Variants in CCDC192 observed in about 807,000 individuals in gnomAD.
The protein encoded by CCDC192 is coiled-coil domain containing 192, also known as coiled-coil domain-containing protein 192.
rs560182371 is a variant in CCDC192, at chr5:127,727,112, C to T, written c.114+19352C>T. ...CCTCCAAGTGTGGGAGGGACCCTGA[C>T]AAATAGGGTCTGGAAGGGACCCTCA... On this transcript the variant is annotated intron_variant, in intron 2 of 6. Coordinates refer to ENST00000514853, the MANE Select transcript of CCDC192 (RefSeq NM_001317938.2). Among the ~76,000 whole-genome samples, 7 of 152,280 alleles carry T rather than the reference C, an allele frequency of 4.6e-5. No homozygotes were observed. In the South Asian group the frequency reaches 1.5e-3, roughly 32 times the overall value.
intron 5 of CCDC192, among the ~76,000 whole-genome samples, chr5:127,827,009 A>T (rs753966466): frequency 7.2e-5 from 11 of 152,122 alleles, no homozygotes; most frequent in Non-Finnish European, 1.6e-4. Context: ...ACTTGTGTGT[A>T]TATTTATTTT....
intron 2 of CCDC192, among the ~76,000 whole-genome samples, chr5:127,739,043 T>C (rs536312811): frequency 6.6e-6 from 1 of 152,314 alleles, no homozygotes; most frequent in East Asian, 1.9e-4. Flanking sequence ...GTTCTGTTTT[T>C]TCCCCATCTT....
Position 127,786,477 on chromosome 5 carries a change from C to T in CCDC192, c.223-10626C>T, listed in dbSNP as rs78573585. Reference sequence around the variant, plus strand: ...CACAGTTTTGTATTGATGGTTTCACCATTTCCTTCCTTTTTGATCAGCTTT... The same window carrying T: ...CACAGTTTTGTATTGATGGTTTCACTATTTCCTTCCTTTTTGATCAGCTTT... On this transcript the variant is annotated intron_variant, in intron 3 of 6. Transcript: ENST00000514853. The T allele has an allele frequency of 0.012, 7,334 of 628,652 alleles. 500 individuals are homozygous for T. The Admixed American group carries it at 0.13, about 11-fold the overall frequency. The allele number at this position is 628,652 out of a possible 1,614,324, so 38.9% of individuals were successfully genotyped here. A position where few individuals can be genotyped will look rare whatever the true frequency, so the allele number is the denominator to read the frequency against.
intron 6 of CCDC192, among the ~76,000 whole-genome samples, chr5:127,880,454 G>A (rs1405117164): frequency 4.2e-5 from 5 of 117,764 alleles, no homozygotes; most frequent in African/African-American, 1.6e-4. Context: ...GACTGTGGTG[G>A]GGTGGGGGGA....
chr5:127,927,859 A>C (rs1753906486), intron 6 of CCDC192, among the ~76,000 whole-genome samples: 1 of 149,682 alleles, frequency 6.7e-6, no homozygotes, highest in African/African-American at 2.5e-5. Flanking sequence ...TCCCTTCTCT[A>C]TTCATTTCCT....
intron 3 of CCDC192, among the ~76,000 whole-genome samples, chr5:127,791,928 A>G (rs888162941): frequency 6.6e-5 from 10 of 152,226 alleles, no homozygotes; most frequent in African/African-American, 2.4e-4. Flanking sequence ...AAAGAGGTGA[A>G]AGAAACCATG....
Position 127,801,741 on chromosome 5 carries a change from G to T in CCDC192, c.411+3579G>T, listed in dbSNP as rs113802710. Among the ~76,000 whole-genome samples, 44 of 152,268 alleles carry T rather than the reference G, an allele frequency of 2.9e-4. 1 individual carries two copies. Among genetic ancestry groups the T allele is most frequent in the African/African-American group, 1.0e-3 (42 of 41,562 alleles). ...AGATACATCTATTTGAGCTGTTAAA[G>T]TAAACATTGTAGACAAATTAAATTT... On this transcript the variant is annotated intron_variant, in intron 5 of 6. Coordinates refer to ENST00000514853, the MANE Select transcript of CCDC192 (RefSeq NM_001317938.2).
At chr5:127,733,954 T>G (rs1752804816) in intron 2 of CCDC192, among the ~76,000 whole-genome samples, 1 of 151,060 alleles carries the variant, frequency 6.6e-6, no homozygotes, top group Non-Finnish European at 1.5e-5. Flanking sequence ...ACTTTAAGTT[T>G]TAGGGTACAT....
intron 5 of CCDC192, among the ~76,000 whole-genome samples, chr5:127,845,504 A>C (rs1018704861): frequency 7.2e-5 from 11 of 152,214 alleles, no homozygotes; most frequent in Non-Finnish European, 1.5e-4. Context: ...GTGGCATTTG[A>C]GATCATTTTG....
At chr5:127,705,189 C>G (rs1156997479) in intron 1 of CCDC192, among the ~76,000 whole-genome samples, 1 of 152,116 alleles carries the variant, frequency 6.6e-6, no homozygotes, top group Non-Finnish European at 1.5e-5. Flanking sequence ...GCTTTCTTCC[C>G]CCCTTAATTA....
chr5:127,923,100 C>G (rs779007914), intron 6 of CCDC192, among the ~76,000 whole-genome samples: 84 of 152,166 alleles, frequency 5.5e-4, no homozygotes, highest in Non-Finnish European at 1.1e-3. Flanking sequence ...TCAAGACTTG[C>G]CTGAAGCTAT....
intron 2 of CCDC192, among the ~76,000 whole-genome samples, chr5:127,725,948 G>C (rs1752295593): frequency 6.6e-6 from 1 of 151,938 alleles, no homozygotes; most frequent in African/African-American, 2.4e-5. Flanking sequence ...TGTCTTTCTA[G>C]TAGGTTCCAT....
chr5:127,926,459 T>G (rs773051282), intron 6 of CCDC192, among the ~76,000 whole-genome samples: 3 of 152,126 alleles, frequency 2.0e-5, no homozygotes, highest in Non-Finnish European at 2.9e-5. Flanking sequence ...AGAACGTATT[T>G]TGTGAAAGAG....
intron 2 of CCDC192, among the ~76,000 whole-genome samples, chr5:127,750,504 T>G (rs569569639): frequency 6.6e-6 from 1 of 151,968 alleles, no homozygotes; most frequent in East Asian, 1.9e-4. Flanking sequence ...TCTGTTCTTT[T>G]ACATTTGCTG....
chr5:127,821,235 C>A (rs1749275462), intron 5 of CCDC192, among the ~76,000 whole-genome samples: 1 of 152,176 alleles, frequency 6.6e-6, no homozygotes, highest in Non-Finnish European at 1.5e-5. Context: ...GATGTTAGAT[C>A]AACCAGTTCA....
intron 1 of CCDC192, among the ~76,000 whole-genome samples, chr5:127,706,185 G>A (rs1413827673): frequency 6.6e-6 from 1 of 152,136 alleles, no homozygotes; most frequent in African/African-American, 2.4e-5. Flanking sequence ...ATGTATTCAT[G>A]AGGAAGATAG....
intron 5 of CCDC192, among the ~76,000 whole-genome samples, chr5:127,843,241 T>C (rs1451430892): frequency 1.3e-5 from 2 of 151,250 alleles, no homozygotes; most frequent in African/African-American, 4.9e-5. Context: ...GGTTTCACCA[T>C]GTTACCCCGG....
At chr5:127,712,353 A>G (rs897670060) in intron 2 of CCDC192, among the ~76,000 whole-genome samples, 1 of 152,184 alleles carries the variant, frequency 6.6e-6, no homozygotes, top group Non-Finnish European at 1.5e-5. Context: ...TGCATCCCTC[A>G]TGAATAGATT....
intron 3 of CCDC192, among the ~76,000 whole-genome samples, chr5:127,788,441 A>C (rs539855980): frequency 6.6e-6 from 1 of 152,164 alleles, no homozygotes; most frequent in Admixed American, 6.5e-5. Context: ...TATAATCAGC[A>C]TATAATTGGA....
Sources: allele counts gnomAD v4.1 joint callset (sites outside exome capture counted in the v4.1 genomes callset), GRCh38; gene constraint gnomAD v4.1.1; transcripts MANE v1.5; gene names NCBI Gene and HGNC (gene_info 2026-07-23, HGNC 2026-07-21).